NCKAP5: variants seen among roughly 807,000 people sequenced by gnomAD.
The protein encoded by NCKAP5 is nck-associated protein 5.
A neutral mutation model predicts 167.0 loss-of-function variants in NCKAP5; 92 were observed. That is an observed-to-expected ratio of 0.55 (90% CI 0.47 to 0.66). NCKAP5 has a LOEUF of 0.66. NCKAP5 is among the 30% of genes least tolerant of loss of function. The pLI, the probability that NCKAP5 is intolerant of heterozygous loss-of-function variation, is 0.00. For synonymous variants in NCKAP5, 891 were observed against 877.4 expected (o/e 1.02, Z -0.27); for missense variants, 2,378 against 2,315.0 (o/e 1.03, Z -0.56).
At chr2:133,151,988 C>T (rs558766487) in intron 5 of NCKAP5, among the ~76,000 whole-genome samples, 2 of 152,014 alleles carry the variant, frequency 1.3e-5, no homozygotes, top group African/African-American at 2.4e-5. Flanking sequence ...TCATAGCAGC[C>T]ATGTTCATAA....
intron 19 of NCKAP5, among the ~76,000 whole-genome samples, chr2:132,683,200 C>T (rs973886307): frequency 4.6e-5 from 7 of 151,960 alleles, no homozygotes; most frequent in African/African-American, 1.4e-4. Context: ...TATAGATGGA[C>T]GAATATGCTA....
chr2:133,329,267 G>A (rs999601640), intron 3 of NCKAP5, among the ~76,000 whole-genome samples: 1 of 152,126 alleles, frequency 6.6e-6, no homozygotes, highest in African/African-American at 2.4e-5. Context: ...CTGTGGAGGG[G>A]GCAGGGGACA....
intron 16 of NCKAP5, among the ~76,000 whole-genome samples, chr2:132,738,254 T>C (rs549572485): frequency 6.6e-6 from 1 of 152,302 alleles, no homozygotes; most frequent in Admixed American, 6.5e-5. Context: ...TTAAAGTCCT[T>C]GGGACAAGAA....
At chr2:133,495,211 A>G (rs1280338945) in intron 3 of NCKAP5, among the ~76,000 whole-genome samples, 1 of 152,202 alleles carries the variant, frequency 6.6e-6, no homozygotes, top group African/African-American at 2.4e-5. Flanking sequence ...TAAAATGTAT[A>G]AAACCAAGCT....
chr2:133,360,501 G>C (rs1309505884), intron 3 of NCKAP5, among the ~76,000 whole-genome samples: 1 of 152,178 alleles, frequency 6.6e-6, no homozygotes, highest in Non-Finnish European at 1.5e-5. Context: ...GGCTCAGTGA[G>C]ATGCTCTGGA....
intron 3 of NCKAP5, among the ~76,000 whole-genome samples, chr2:133,337,792 C>CA (rs1374725016): frequency 6.6e-6 from 1 of 152,196 alleles, no homozygotes; most frequent in Non-Finnish European, 1.5e-5. Flanking sequence ...TTAAGCCACT[C>CA]AGTCTGTGGT....
At chr2:133,396,225 GA>G (rs1312176934) in intron 3 of NCKAP5, among the ~76,000 whole-genome samples, 9 of 152,012 alleles carry the variant, frequency 5.9e-5, no homozygotes, top group Admixed American at 5.9e-4. Context: ...AAGTAAATTT[GA>G]AAAAGCATAA....
At chr2:132,759,542 G>A (rs1318840511) in intron 16 of NCKAP5, among the ~76,000 whole-genome samples, 1 of 152,052 alleles carries the variant, frequency 6.6e-6, no homozygotes, top group Non-Finnish European at 1.5e-5. Context: ...CAAAACAAAA[G>A]CAAATGCCAA....
At chr2:133,604,208 T>C in the NCKAP5 span, among the ~76,000 whole-genome samples, 1 of 152,028 alleles carries the variant, frequency 6.6e-6, no homozygotes, top group Non-Finnish European at 1.5e-5. Context: ...ATGTTATATA[T>C]TTTTGTTTGT....
At chr2:133,077,188 G>A in intron 6 of NCKAP5, among the ~76,000 whole-genome samples, 1 of 152,160 alleles carries the variant, frequency 6.6e-6, no homozygotes, top group East Asian at 1.9e-4. Context: ...TTCTGTGAAA[G>A]GCAGAATATG....
chr2:133,664,449 A>G, the NCKAP5 span, among the ~76,000 whole-genome samples: 1 of 152,100 alleles, frequency 6.6e-6, no homozygotes, highest in Non-Finnish European at 1.5e-5. Context: ...GTCCTAGATG[A>G]TATCTTCTTC....
chr2:133,090,571 T>C (rs1185784965), intron 6 of NCKAP5, among the ~76,000 whole-genome samples: 1 of 152,124 alleles, frequency 6.6e-6, no homozygotes, highest in Admixed American at 6.5e-5. Flanking sequence ...TGCAGACACC[T>C]TGATTACAAA....
chr2:132,760,131 C>G (rs146284016), intron 16 of NCKAP5, among the ~76,000 whole-genome samples: 206 of 152,090 alleles, frequency 1.4e-3, no homozygotes, highest in African/African-American at 4.8e-3. Context: ...GGATTTATTT[C>G]TCCTTTGACA....
the NCKAP5 span, among the ~76,000 whole-genome samples, chr2:133,573,693 G>C: frequency 0.2 from 29,832 of 152,194 alleles, 3,045 homozygotes; most frequent in East Asian, 0.31. Context: ...TCATTGTGTT[G>C]TTGACAGTAC....
chr2:133,588,871 G>A, the NCKAP5 span, among the ~76,000 whole-genome samples: 2 of 152,148 alleles, frequency 1.3e-5, no homozygotes, highest in African/African-American at 4.8e-5. Context: ...ACCAGCCAGA[G>A]CCAAGGGCCC....
intron 3 of NCKAP5, among the ~76,000 whole-genome samples, chr2:133,396,474 G>T (rs540896479): frequency 6.6e-6 from 1 of 152,144 alleles, no homozygotes; most frequent in South Asian, 2.1e-4. Context: ...TAGAATTCAA[G>T]GGTATTTATC....
At chr2:133,058,175 G>A (rs76902243) in intron 6 of NCKAP5, among the ~76,000 whole-genome samples, 1,975 of 152,202 alleles carry the variant, frequency 0.013, 18 homozygotes, top group Middle Eastern at 0.031. Context: ...AATGTACTAG[G>A]TCACCCAAGA....
At chr2:133,132,618 T>C (rs899711547) in intron 5 of NCKAP5, among the ~76,000 whole-genome samples, 1 of 151,376 alleles carries the variant, frequency 6.6e-6, no homozygotes, top group Non-Finnish European at 1.5e-5. Context: ...TTTCTATTAA[T>C]CCATCAAAAC....
intron 7 of NCKAP5, among the ~76,000 whole-genome samples, chr2:132,988,086 A>G (rs1346892131): frequency 3.3e-5 from 5 of 152,170 alleles, no homozygotes; most frequent in Admixed American, 3.3e-4. Context: ...CAGGCCTTAT[A>G]GCATTGGGAA....
Sources: gnomAD v4.1 joint callset for allele counts (sites outside exome capture counted in the v4.1 genomes callset) on GRCh38, gnomAD v4.1.1 for gene constraint, MANE v1.5 for transcripts, NCBI Gene and HGNC (gene_info 2026-07-23, HGNC 2026-07-21) for gene names.